PTPRJ: variants seen among roughly 807,000 people sequenced by gnomAD.
PTPRJ encodes the protein protein tyrosine phosphatase receptor type J, also known as receptor-type tyrosine-protein phosphatase eta.
Under a neutral mutation model 141.3 loss-of-function variants are expected in PTPRJ, and 129 were observed. That is an observed-to-expected ratio of 0.91 (90% CI 0.79 to 1.06). PTPRJ has a LOEUF of 1.06. Ranked by LOEUF, PTPRJ falls within the 50% of genes least tolerant of loss-of-function variation. The probability of loss-of-function intolerance (pLI) is 0.00; values close to 1 mark genes in which losing one functional copy is unlikely to be tolerated. For synonymous variants in PTPRJ, 610 were observed against 640.5 expected (o/e 0.95, Z 0.72); for missense variants, 1,601 against 1,679.7 (o/e 0.95, Z 0.82).
Position 48,145,561 on chromosome 11 carries a change from T to A in PTPRJ, c.2911+437T>A, listed in dbSNP as rs576643288. On this transcript the variant is annotated intron_variant, in intron 14 of 24. Transcript: ENST00000418331. Reference sequence around the variant, plus strand: ...TGATTTGTTTATTTTATTTTATGTTTTTTTTTTTTTTTTTTCAGACAGAGT... The same window carrying A: ...TGATTTGTTTATTTTATTTTATGTTATTTTTTTTTTTTTTTCAGACAGAGT... Among the ~76,000 whole-genome samples, 585 of 145,242 alleles carry A rather than the reference T, an allele frequency of 4.0e-3. 6 individuals are homozygous for A. The highest frequency in any genetic ancestry group is 0.014 in the African/African-American group (538 of 39,128).
intron 1 of PTPRJ, among the ~76,000 whole-genome samples, chr11:48,078,879 G>T (rs1855487217): frequency 7.4e-6 from 1 of 136,002 alleles, no homozygotes; most frequent in African/African-American, 2.9e-5. Flanking sequence ...ACACAATCAT[G>T]CCAGCCCTGA....
rs778048790 is a variant in PTPRJ at position 48,137,153 on chromosome 11, C to T, written c.2024C>T (p.Thr675Met). The T allele has an allele frequency of 2.5e-5, 40 of 1,612,750 alleles. No individual in the cohort carries two copies. Among genetic ancestry groups the T allele is most frequent in the Non-Finnish European group, 3.0e-5 (35 of 1,178,872 alleles). The change falls in exon 10 of 25, where the codon ACG becomes ATG. Residue 675 changes from threonine to methionine, a missense_variant. Physicochemically the swap from Thr to Met is moderately conservative, Grantham distance 81 (BLOSUM62 -1). Transcript: ENST00000418331. ...TCCAGCAACGCAACACAAGTAGTCA[C>T]GGACATTGGAATTACTGACGCTACA... Reference protein sequence around the residue: ...GNSSNATQVVTDIGITDATVT... With the variant: ...GNSSNATQVVMDIGITDATVT...
At chr11:48,096,547 A>G (rs1313041711) in intron 1 of PTPRJ, among the ~76,000 whole-genome samples, 4 of 150,222 alleles carry the variant, frequency 2.7e-5, no homozygotes, top group Non-Finnish European at 4.4e-5. Flanking sequence ...CACCCCCACA[A>G]CCTTGTTTGT....
At chr11:48,135,397 A>G (rs577216450) in intron 8 of PTPRJ, among the ~76,000 whole-genome samples, 9 of 151,462 alleles carry the variant, frequency 5.9e-5, no homozygotes, top group African/African-American at 2.2e-4. Context: ...GGCTGGTCTC[A>G]AACTCCCGAC....
chr11:48,074,185 G>A (rs906771784), intron 1 of PTPRJ, among the ~76,000 whole-genome samples: 2 of 151,926 alleles, frequency 1.3e-5, no homozygotes, highest in Non-Finnish European at 2.9e-5. Flanking sequence ...TCACCACGTT[G>A]CTCAGGCTGT....
At chr11:48,004,889 A>G (rs1164673684) in intron 1 of PTPRJ, among the ~76,000 whole-genome samples, 2 of 152,162 alleles carry the variant, frequency 1.3e-5, no homozygotes, top group Non-Finnish European at 2.9e-5. Flanking sequence ...CTTTGTTGAG[A>G]TATAATTTAC....
intron 1 of PTPRJ, among the ~76,000 whole-genome samples, chr11:48,075,525 T>C (rs1182121681): frequency 1.3e-5 from 2 of 152,104 alleles, no homozygotes; most frequent in Non-Finnish European, 2.9e-5. Flanking sequence ...TGGGCTGAAG[T>C]GATTCTTCTT....
intron 10 of PTPRJ, among the ~76,000 whole-genome samples, chr11:48,138,920 G>T (rs1857167194): frequency 6.6e-6 from 1 of 152,196 alleles, no homozygotes; most frequent in African/African-American, 2.4e-5. Flanking sequence ...GGATCAGGAG[G>T]TCAAAAGATC....
chr11:48,164,251 A>T, intron 23 of PTPRJ, 129 bp from the exon 24 acceptor site: 1 of 1,185,844 alleles, frequency 8.4e-7, no homozygotes, highest in Non-Finnish European at 1.2e-6. Context: ...GCAAATGTGT[A>T]CTGATCCTGT....
At chr11:48,117,012 C>T (rs1199146072) in intron 3 of PTPRJ, among the ~76,000 whole-genome samples, 1 of 152,208 alleles carries the variant, frequency 6.6e-6, no homozygotes, top group African/African-American at 2.4e-5. Context: ...CCCCAGGTCA[C>T]TTACAGCAGG....
chr11:48,146,084 T>G (rs942576676), intron 14 of PTPRJ, among the ~76,000 whole-genome samples: 5 of 152,160 alleles, frequency 3.3e-5, no homozygotes, highest in African/African-American at 1.2e-4. Flanking sequence ...CAAGCCTCCT[T>G]CCACCTTCTT....
chr11:48,069,798 C>A (rs1189031534), intron 1 of PTPRJ, among the ~76,000 whole-genome samples: 1 of 152,162 alleles, frequency 6.6e-6, no homozygotes, highest in Non-Finnish European at 1.5e-5. Flanking sequence ...TGATGGTGAA[C>A]AAATGCAACT....
At chr11:48,157,504 G>A (rs1857641388) in intron 21 of PTPRJ, among the ~76,000 whole-genome samples, 1 of 152,212 alleles carries the variant, frequency 6.6e-6, no homozygotes. Context: ...CACCAGGAGG[G>A]TGGTTCTACC....
chr11:47,987,938 GCAAATAAT>G (rs1482503856), intron 1 of PTPRJ, among the ~76,000 whole-genome samples: 1 of 152,216 alleles, frequency 6.6e-6, no homozygotes, highest in African/African-American at 2.4e-5. Context: ...TTTTAAACAT[GCAAATAAT>G]TTTCAGTTCC....
chr11:48,015,987 G>C (rs146125607), intron 1 of PTPRJ: 1 of 152,194 alleles, frequency 6.6e-6, no homozygotes, highest in Non-Finnish European at 1.5e-5. Context: ...CATACTCAGT[G>C]CCTTTCTGGA....
At chr11:48,120,686 G>A (rs1412277802) in intron 3 of PTPRJ, among the ~76,000 whole-genome samples, 5 of 151,972 alleles carry the variant, frequency 3.3e-5, no homozygotes, top group Admixed American at 2.0e-4. Flanking sequence ...TGATCCACCC[G>A]CCTTGACCTC....
intron 10 of PTPRJ, among the ~76,000 whole-genome samples, chr11:48,138,543 T>C (rs1278221140): frequency 2.0e-5 from 3 of 152,170 alleles, no homozygotes; most frequent in African/African-American, 7.2e-5. Context: ...CCAGTTGTAA[T>C]ATGGAGTTTT....
intron 7 of PTPRJ, 83 bp from the exon 8 acceptor site, chr11:48,130,376 C>A: frequency 7.3e-7 from 1 of 1,371,560 alleles, no homozygotes; most frequent in Non-Finnish European, 1.0e-6. Flanking sequence ...GTGTACATTT[C>A]ATCTCAGTAT....
rs745309868 is a variant in PTPRJ, at chr11:48,121,029, G to A, written c.379G>A (p.Ala127Thr). The A allele has an allele frequency of 5.6e-6, 9 of 1,606,102 alleles. No homozygotes were observed. The highest frequency in any genetic ancestry group is 1.7e-5 in the Admixed American group (1 of 59,282). Residue 127 changes from alanine (A) to threonine (T), a missense_variant, in exon 4 of 25, where the codon GCT (alanine) becomes ACT (threonine). Coordinates refer to ENST00000418331, the MANE Select transcript of PTPRJ (RefSeq NM_002843.4). ...GCCCAGTCCTGTGTTTGACATTAAA[G>A]CTGTTTCCATCAGTCCAACCAATGT... Reference protein sequence around the residue: ...TGPSPVFDIKAVSISPTNVIL... With the variant: ...TGPSPVFDIKTVSISPTNVIL...
Sources: allele counts gnomAD v4.1 joint callset (sites outside exome capture counted in the v4.1 genomes callset), GRCh38; gene constraint gnomAD v4.1.1; transcripts MANE v1.5; gene names NCBI Gene and HGNC (gene_info 2026-07-23, HGNC 2026-07-21).